The following ABCD4 variants were observed in gnomAD, a reference collection of about 807,000 sequenced individuals.
ABCD4 encodes lysosomal cobalamin transporter ABCD4.
ABCD4 carries 53 observed loss-of-function variants against 86.3 expected under a neutral mutation model. That is an observed-to-expected ratio of 0.61 (90% confidence interval 0.49 to 0.77). The LOEUF (loss-of-function observed/expected upper bound fraction) is 0.77. ABCD4 is among the 30% of genes least tolerant of loss of function. The pLI, the probability that ABCD4 is intolerant of heterozygous loss-of-function variation, is 0.00. For synonymous variants in ABCD4, 328 were observed against 313.6 expected (o/e 1.05, Z -0.49); for missense variants, 757 against 764.5 (o/e 0.99, Z 0.12).
At position 74,300,237 on chromosome 14, in the gene ABCD4, A is replaced by G. The variant is rs374981823; in HGVS notation, c.70T>C (p.Phe24Leu). 3.7e-6 allele frequency: 6 copies of G among 1,613,518 alleles called. No homozygotes were observed. The highest frequency in any genetic ancestry group is 5.1e-6 in the Non-Finnish European group (6 of 1,179,688). ...PRLDLQFLQR[F>L]LQILKVLFPS... ...AACAAAACCTTCAGTATCTGCAGGA[A>G]CCGCTGGAGAAATTGCAGATCTAAC... The change falls in exon 2 of 19, where the codon TTC (phenylalanine) becomes CTC (leucine). Residue 24 changes from phenylalanine (F) to leucine (L), a missense_variant. Phe to Leu is a conservative substitution (Grantham distance 22). Coordinates refer to ENST00000356924, the MANE Select transcript of ABCD4 (RefSeq NM_005050.4).
Position 74,295,946 on chromosome 14 carries a change from C to A in ABCD4, c.576G>T (p.Gly192=), listed in dbSNP as rs1360505369. The change falls in exon 6 of 19, where the codon GGG becomes GGT. Residue 192 remains glycine (G), a synonymous_variant. Coordinates refer to ENST00000356924, the MANE Select transcript of ABCD4 (RefSeq NM_005050.4). ...TGWLGPVSIF[G]YFILGTVVNK... ...TCACCACGGTCCCCAGGATGAAATACCCGAAGATGCTCACAGGCCCGAGCC... is the reference window on the plus strand; with the variant it reads ...TCACCACGGTCCCCAGGATGAAATAACCGAAGATGCTCACAGGCCCGAGCC... 1 of 1,612,086 alleles carries A rather than the reference C, an allele frequency of 6.2e-7. No individual in the cohort carries two copies.
intron 6 of ABCD4, among the ~76,000 whole-genome samples, chr14:74,295,450 G>A (rs1161491695): frequency 6.6e-6 from 1 of 152,206 alleles, no homozygotes; most frequent in African/African-American, 2.4e-5. Context: ...CCTGCTCACA[G>A]CATCTCCTCC....
At chr14:74,297,818 T>C in intron 4 of ABCD4, 112 bp downstream of exon 4, 1 of 1,463,782 alleles carries the variant, frequency 6.8e-7, no homozygotes, top group Non-Finnish European at 9.0e-7. Context: ...GCAGCAGCAT[T>C]TGAAAACGAC....
intron 17 of ABCD4, 98 bp from the exon 18 acceptor site, chr14:74,286,914 G>T: frequency 8.6e-7 from 1 of 1,166,252 alleles, no homozygotes; most frequent in South Asian, 1.5e-5. Flanking sequence ...GGACCCAGGG[G>T]AGGCTGAAAG....
In ABCD4 at chr14:74,286,269, T is replaced by C; in HGVS notation, c.*192A>G. 1.7e-6 allele frequency: 1 copy of C among 597,310 alleles called. No individual in the cohort carries two copies. Among genetic ancestry groups the C allele is most frequent in the Non-Finnish European group, 2.9e-6 (1 of 339,522 alleles). 37.0% of individuals were successfully genotyped at this position (597,310 alleles called of 1,614,324 possible). Reference sequence around the variant, plus strand: ...TCCTGGGAGACTGAACACTGGGAGATTCAGTGTCCCCCACAGAAACCTAGA... The same window carrying C: ...TCCTGGGAGACTGAACACTGGGAGACTCAGTGTCCCCCACAGAAACCTAGA... On this transcript the variant is annotated 3_prime_UTR_variant, in exon 19 of 19. Coordinates refer to ENST00000356924, the MANE Select transcript of ABCD4 (RefSeq NM_005050.4).
intron 13 of ABCD4, 43 bp downstream of exon 13, chr14:74,289,984 C>T (rs777106006): frequency 3.2e-5 from 51 of 1,612,552 alleles, no homozygotes; most frequent in Middle Eastern, 1.6e-4. Context: ...TGTGGGTGGG[C>T]GGGGTTGAGG....
rs1436416748 is a variant in ABCD4, at chr14:74,285,856, T to C, written c.*605A>G. 4 of 152,294 alleles carry C rather than the reference T, an allele frequency of 2.6e-5. No homozygotes were observed. The highest frequency in any genetic ancestry group is 7.2e-5 in the African/African-American group (3 of 41,434). 9.4% of individuals were successfully genotyped at this position (152,294 alleles called of 1,614,324 possible). On this transcript the variant is annotated 3_prime_UTR_variant, in exon 19 of 19. Transcript: ENST00000356924. ...ACACTGGCAAGTGGAAAGGGAGATG[T>C]GGGGAGAAGTGAAAAACCCTGGGCA... is the stretch of plus-strand genomic sequence containing the variant.
Position 74,297,976 on chromosome 14 carries a change from G to C in ABCD4, c.379C>G (p.Arg127Gly). Residue 127 changes from arginine (R) to glycine (G), a missense_variant, in exon 4 of 19, where the codon CGT becomes GGT. Physicochemically the swap from Arg to Gly is moderately radical, Grantham distance 125. Transcript: ENST00000356924. Reference sequence around the variant, plus strand: ...AGCACGTTGAGGGTGTAGTACGCACGGCCCCGGAAGTAGAGGCGGTGAAGG... The same window carrying C: ...AGCACGTTGAGGGTGTAGTACGCACCGCCCCGGAAGTAGAGGCGGTGAAGG... ...EHLHRLYFRG[R>G]AYYTLNVLRD... 2.5e-6 allele frequency: 4 copies of C among 1,613,962 alleles called. No homozygotes were observed. The highest frequency in any genetic ancestry group is 1.1e-5 in the South Asian group (1 of 91,066).
At chr14:74,300,484 C>A (rs1212732907) in intron 1 of ABCD4, among the ~76,000 whole-genome samples, 1 of 150,492 alleles carries the variant, frequency 6.6e-6, no homozygotes, top group Admixed American at 6.7e-5. Flanking sequence ...CCCAGCTACT[C>A]GGGAGGCTGA....
rs760672157 is a variant in ABCD4 at position 74,292,731 on chromosome 14, C to T, written c.936+17G>A. 7 of 1,613,896 alleles carry T rather than the reference C, an allele frequency of 4.3e-6. No individual in the cohort carries two copies. The highest frequency in any genetic ancestry group is 5.1e-6 in the Non-Finnish European group (6 of 1,179,908). On this transcript the variant is annotated intron_variant, in intron 9 of 18. Coordinates refer to ENST00000356924, the MANE Select transcript of ABCD4 (RefSeq NM_005050.4). ...CAGAGAGGGACAGCATGTGGGGTGA[C>T]CAAGAGGGAGTCTCACCTTGCTGAC... is the stretch of plus-strand genomic sequence containing the variant.
chr14:74,288,068 G>T, intron 16 of ABCD4, 139 bp downstream of exon 16: 1 of 1,111,512 alleles, frequency 9.0e-7, no homozygotes, highest in African/African-American at 1.6e-5. Flanking sequence ...CTGTTCCCAA[G>T]GGCATAAACT....
chr14:74,287,040 T>C (rs1043037851), intron 17 of ABCD4, among the ~76,000 whole-genome samples: 14 of 152,114 alleles, frequency 9.2e-5, no homozygotes, highest in African/African-American at 3.1e-4. Context: ...TCAGCTTCTA[T>C]AGATAAGCAC....
At chr14:74,288,924 C>T (rs2080622798) in intron 14 of ABCD4, 159 bp from the exon 15 acceptor site, 2 of 1,010,364 alleles carry the variant, frequency 2.0e-6, no homozygotes, top group Non-Finnish European at 2.8e-6. Flanking sequence ...CCACCCTGGC[C>T]AACATGGTGA....
chr14:74,287,690 G>A (rs2080188579), intron 17 of ABCD4, 120 bp downstream of exon 17: 1 of 938,438 alleles, frequency 1.1e-6, no homozygotes, highest in Non-Finnish European at 1.6e-6. Context: ...GTCCTCTCCA[G>A]CAGGGAATGC....
At chr14:74,289,861 T>C in intron 13 of ABCD4, 166 bp downstream of exon 13, 2 of 1,461,238 alleles carry the variant, frequency 1.4e-6, no homozygotes, top group South Asian at 1.5e-5. Context: ...AATCCATGGA[T>C]GTGAATAGAA....
At position 74,298,037 on chromosome 14, in the gene ABCD4, C is replaced by T. The variant is rs752332883; in HGVS notation, c.318G>A (p.Leu106=). The change falls in exon 4 of 19, where the codon CTG becomes CTA. Residue 106 remains leucine (L), a synonymous_variant. Coordinates refer to ENST00000356924, the MANE Select transcript of ABCD4 (RefSeq NM_005050.4). The part of the protein sequence containing the change: ...LKSFDQFTCN[L]LYVSWRKDLT... ...GGTCCTTCCTCCAGCTCACATACAGCAGGTTGCAGGTGAACTGATCAAAGC... is the reference window on the plus strand; with the variant it reads ...GGTCCTTCCTCCAGCTCACATACAGTAGGTTGCAGGTGAACTGATCAAAGC... 1.2e-6 allele frequency: 2 copies of T among 1,613,900 alleles called. No individual in the cohort carries two copies. Among genetic ancestry groups the T allele is most frequent in the Non-Finnish European group, 1.7e-6 (2 of 1,179,956 alleles).
Position 74,290,414 on chromosome 14 carries a change from G to T in ABCD4, c.1204C>A (p.Pro402Thr), listed in dbSNP as rs780846726. Residue 402 changes from proline to threonine, a missense_variant, in exon 12 of 19, where the codon CCC becomes ACC. Pro to Thr is a conservative substitution (Grantham distance 38). Coordinates refer to ENST00000356924, the MANE Select transcript of ABCD4 (RefSeq NM_005050.4). The part of the protein sequence containing the change: ...VSISAPSSDK[P>T]LIKDLSLKIS... ...TTTAGGCTCAGATCCTTGATTAGGG[G>T]TTTGTCAGAGGAGGGGGCAGAGATG... The T allele has an allele frequency of 1.2e-6, 2 of 1,614,028 alleles. No individual in the cohort carries two copies. Among genetic ancestry groups the T allele is most frequent in the Non-Finnish European group, 1.7e-6 (2 of 1,180,042 alleles).
chr14:74,287,826 C>T lies in ABCD4; in HGVS notation c.1620G>A (p.Leu540=). ...AGACCTCACCTGCGTACTTCGGCTG[C>T]AGGTAGAAGAGTCGGGCAAAGGAGA... ...QRLSFARLFY[L]QPKYAVLDEA... The change falls in exon 17 of 19, where the codon CTG becomes CTA. Residue 540 remains leucine, a synonymous_variant. Coordinates refer to ENST00000356924, the MANE Select transcript of ABCD4 (RefSeq NM_005050.4). The T allele has an allele frequency of 6.2e-7, 1 of 1,612,632 alleles. No individual in the cohort carries two copies.
intron 17 of ABCD4, among the ~76,000 whole-genome samples, chr14:74,287,485 T>G (rs1359107895): frequency 1.4e-5 from 2 of 147,262 alleles, no homozygotes; most frequent in Non-Finnish European, 3.0e-5. Context: ...GCCTGGGAGT[T>G]CCAGGCTGCA....
Sources: allele counts gnomAD v4.1 joint callset (sites outside exome capture counted in the v4.1 genomes callset), GRCh38; gene constraint gnomAD v4.1.1; transcripts MANE v1.5; gene names NCBI Gene and HGNC (gene_info 2026-07-23, HGNC 2026-07-21).